LRRC9: variants seen among roughly 807,000 people sequenced by gnomAD.
LRRC9 encodes the protein leucine rich repeat containing 9.
A neutral mutation model predicts 63.2 loss-of-function variants in LRRC9; 122 were observed. The observed-to-expected ratio is 1.93, with a 90% CI of 1.67 to 2.24. The LOEUF (loss-of-function observed/expected upper bound fraction) is 2.24, where lower values mean the gene tolerates loss of function less well. Among genes scored for constraint, LRRC9 ranks in the 30% most tolerant of loss-of-function variants. The pLI is 0.00. For synonymous variants in LRRC9, 366 were observed against 213.1 expected (o/e 1.72, Z -6.25); for missense variants, 1,071 against 627.7 (o/e 1.71, Z -7.55).
chr14:60,038,472 G>C (rs939333739), intron 29 of LRRC9, among the ~76,000 whole-genome samples: 3 of 152,104 alleles, frequency 2.0e-5, no homozygotes, highest in Non-Finnish European at 4.4e-5. Flanking sequence ...TCCTTGAAGA[G>C]GGCCTTCACA....
chr14:60,058,143 T>C lies in LRRC9; in HGVS notation c.4276+121T>C, dbSNP rs1034923504. Reference sequence around the variant, plus strand: ...TTAACTTACATTTCCTAAAATTGCATGTTTGCTCAAGTTTCCTATGGCCAT... The same window carrying C: ...TTAACTTACATTTCCTAAAATTGCACGTTTGCTCAAGTTTCCTATGGCCAT... On this transcript the variant is annotated intron_variant, in intron 31 of 31. Coordinates refer to ENST00000445360, the Ensembl canonical transcript of LRRC9. The surrounding 1 kb of genome is among the most constrained non-coding windows in gnomAD (Gnocchi z 4.4). 12 of 462,370 alleles carry C rather than the reference T, an allele frequency of 2.6e-5. No individual in the cohort carries two copies. Among genetic ancestry groups the C allele is most frequent in the Non-Finnish European group, 4.7e-5 (12 of 255,872 alleles). 28.6% of individuals were successfully genotyped at this position (462,370 alleles called of 1,614,324 possible). A position where few individuals can be genotyped will look rare whatever the true frequency, so the allele number is the denominator to read the frequency against.
chr14:59,926,082 A>G (rs1329267952), intron 1 of LRRC9, among the ~76,000 whole-genome samples: 1 of 152,188 alleles, frequency 6.6e-6, no homozygotes. Flanking sequence ...CTTCCCAGCC[A>G]TATGAAACTG....
At chr14:60,019,129 C>T in exon 26 of LRRC9, 1 of 686,718 alleles carries the variant, frequency 1.5e-6, no homozygotes, top group Non-Finnish European at 2.6e-6. Context: ...AGGTCTTATG[C>T]CTTAACTATA....
Position 60,060,185 on chromosome 14 carries a change from A to G in LRRC9, c.4276+2163A>G, listed in dbSNP as rs1286184096. 2.6e-5 allele frequency among the ~76,000 whole-genome samples: 4 copies of G among 152,254 alleles called. No individual in the cohort carries two copies. The East Asian group carries it at 5.8e-4, about 22-fold the overall frequency. On this transcript the variant is annotated intron_variant, in intron 31 of 31. Transcript: ENST00000445360. This position sits in a 1 kb window ranked among gnomAD's most constrained non-coding sequence, Gnocchi z 4.0. ...TATCAATGTACAAAGCTTGGATAAC[A>G]GCACATCTGTTTACAGCATAGTTTA...
chr14:60,046,744 T>C (rs994698686), intron 29 of LRRC9, among the ~76,000 whole-genome samples: 1 of 152,256 alleles, frequency 6.6e-6, no homozygotes, highest in Admixed American at 6.5e-5. Context: ...TAGGATTGTC[T>C]TAACTGTTTG....
At chr14:60,006,563 G>T (rs1308196069) in exon 22 of LRRC9, 7 of 701,324 alleles carry the variant, frequency 1.0e-5, no homozygotes, top group Admixed American at 2.0e-5. Context: ...CTCTTGTTGA[G>T]TTATACATAA....
At chr14:59,963,260 C>T (rs1342143704) in intron 10 of LRRC9, among the ~76,000 whole-genome samples, 4 of 152,080 alleles carry the variant, frequency 2.6e-5, no homozygotes, top group Non-Finnish European at 5.9e-5. Context: ...AGCTTCATTT[C>T]TTTTATGAAA....
rs996527387 is a variant in LRRC9 at position 60,004,875 on chromosome 14, T to C, written c.2842+1077T>C. Among the ~76,000 whole-genome samples the C allele has an allele frequency of 3.1e-5, 2 of 63,850 alleles. No homozygotes were observed. The highest frequency in any genetic ancestry group is 8.7e-5 in the African/African-American group (2 of 22,904). The allele number at this position is 63,850 out of a possible 152,430, so 41.9% of individuals were successfully genotyped here. ...GATTGAAAAGAGAAATATGTATATG[T>C]GTGTATACACACACACACACACACA... On this transcript the variant is annotated intron_variant, in intron 21 of 31. Coordinates refer to ENST00000445360, the Ensembl canonical transcript of LRRC9. The surrounding 1 kb of genome is among the most constrained non-coding windows in gnomAD (Gnocchi z 4.8).
chr14:60,047,686 C>T (rs969952078), intron 29 of LRRC9, among the ~76,000 whole-genome samples: 3 of 152,132 alleles, frequency 2.0e-5, no homozygotes, highest in Admixed American at 1.3e-4. Flanking sequence ...GACTCCCACA[C>T]AATAATAGTG....
downstream of LRRC9, among the ~76,000 whole-genome samples, chr14:60,063,789 G>A (rs1894800458): frequency 6.6e-6 from 1 of 152,130 alleles, no homozygotes; most frequent in Non-Finnish European, 1.5e-5. Flanking sequence ...CATTTGTAGA[G>A]TATCTATTCA....
At chr14:60,015,072 C>T (rs1367793836) in intron 23 of LRRC9, among the ~76,000 whole-genome samples, 2 of 152,058 alleles carry the variant, frequency 1.3e-5, no homozygotes, top group African/African-American at 4.8e-5. Flanking sequence ...GCTATTGAGT[C>T]CCTATCCATT....
chr14:59,937,945 A>G (rs1454249536), intron 6 of LRRC9, among the ~76,000 whole-genome samples: 3 of 152,162 alleles, frequency 2.0e-5, no homozygotes, highest in African/African-American at 7.2e-5. Flanking sequence ...AGGGGATCCC[A>G]TAGCCTTTAA....
At chr14:59,977,132 T>A in intron 13 of LRRC9, 93 bp from the exon 14 acceptor site, 2 of 596,764 alleles carry the variant, frequency 3.4e-6, no homozygotes, top group Admixed American at 6.3e-5. Flanking sequence ...TTACAGAACA[T>A]ACAGTTTAGT....
chr14:59,961,745 G>A (rs1457317383), intron 10 of LRRC9, among the ~76,000 whole-genome samples: 1 of 152,124 alleles, frequency 6.6e-6, no homozygotes, highest in African/African-American at 2.4e-5. Flanking sequence ...GCTTCAATTA[G>A]AGGGGCACAA....
intron 29 of LRRC9, among the ~76,000 whole-genome samples, chr14:60,036,361 ATGCATTG>A (rs1892431488): frequency 6.6e-6 from 1 of 152,236 alleles, no homozygotes; most frequent in South Asian, 2.1e-4. Flanking sequence ...AGCCAGGATC[ATGCATTG>A]CTAAGAGGCA....
chr14:60,024,902 G>A (rs559500874), intron 27 of LRRC9, among the ~76,000 whole-genome samples: 1 of 151,752 alleles, frequency 6.6e-6, no homozygotes, highest in South Asian at 2.1e-4. Context: ...CCCACGTGTA[G>A]GTAAGAACAT....
chr14:59,945,340 T>C (rs1444133371), intron 8 of LRRC9, among the ~76,000 whole-genome samples: 1 of 151,966 alleles, frequency 6.6e-6, no homozygotes, highest in East Asian at 1.9e-4. Flanking sequence ...AATTCCTGTA[T>C]TTTTTTCAGT....
In LRRC9 at chr14:59,977,265, TCA is replaced by T. The variant is rs1309026562; in HGVS notation, c.1681_1682del (p.Gln561GlyfsTer3). ...CAAAAGTTTTCCTTGGCCAGAGTGT[TCA>T]GGCCCATGAAAAAGAATCCATCAGT... On this transcript the variant is annotated frameshift_variant, in exon 14 of 32. Coordinates refer to ENST00000445360, the Ensembl canonical transcript of LRRC9. LOFTEE classifies it high-confidence loss of function. The T allele has an allele frequency of 1.3e-5, 9 of 700,942 alleles. No homozygotes were observed. In the South Asian group the frequency reaches 1.3e-4, roughly 10 times the overall value. 43.4% of individuals were successfully genotyped at this position (700,942 alleles called of 1,614,324 possible). A position where few individuals can be genotyped will look rare whatever the true frequency, so the allele number is the denominator to read the frequency against.
At chr14:59,996,952 A>G (rs1392228645) in intron 17 of LRRC9, among the ~76,000 whole-genome samples, 1 of 152,210 alleles carries the variant, frequency 6.6e-6, no homozygotes, top group African/African-American at 2.4e-5. Flanking sequence ...TTATGATCAC[A>G]TAGTCAAATA....
Sources: gnomAD v4.1 joint callset for allele counts (sites outside exome capture counted in the v4.1 genomes callset) on GRCh38, gnomAD v4.1.1 for gene constraint, Gnocchi (gnomAD v3.1) non-coding constraint, MANE v1.5 for transcripts, NCBI Gene and HGNC (gene_info 2026-07-23, HGNC 2026-07-21) for gene names.